Variants in COL22A1 observed in about 807,000 individuals in gnomAD.
COL22A1 encodes the protein collagen type XXII alpha 1 chain.
In COL22A1, 221 loss-of-function variants were observed where a neutral mutation model predicts 248.9. The ratio of observed to expected loss-of-function variants is 0.89; its 90% CI spans 0.80 to 0.99. The LOEUF (loss-of-function observed/expected upper bound fraction) is 0.99. Ranked by LOEUF, COL22A1 falls within the 50% of genes least tolerant of loss-of-function variation. COL22A1 has a pLI of 0.00. For synonymous variants in COL22A1, 891 were observed against 793.4 expected (o/e 1.12, Z -2.07); for missense variants, 2,240 against 2,179.0 (o/e 1.03, Z -0.56).
At chr8:138,906,691 C>T (rs1183601215) in intron 1 of COL22A1, among the ~76,000 whole-genome samples, 2 of 150,764 alleles carry the variant, frequency 1.3e-5, no homozygotes, top group East Asian at 3.9e-4. Flanking sequence ...CTGGCTCTGT[C>T]ACCCAGGCTG....
In COL22A1 at chr8:138,596,943, G is replaced by T; in HGVS notation, c.4393C>A (p.Arg1465Ser). ...CCCAGCTCTTCTTGAATAAGCCGAC[G>T]CAGGGTTTCCATGGATGGAGACTCC... Reference protein sequence around the residue: ...RGESPSMETLRRLIQEELGKQ... With the variant: ...RGESPSMETLSRLIQEELGKQ... Residue 1465 changes from arginine (R) to serine (S), a missense_variant, in exon 62 of 65, where the codon CGT becomes AGT. Physicochemically the swap from Arg to Ser is moderately radical, Grantham distance 110. Coordinates refer to ENST00000303045, the MANE Select transcript of COL22A1 (RefSeq NM_152888.3). 2 of 1,613,994 alleles carry T rather than the reference G, an allele frequency of 1.2e-6. No individual in the cohort carries two copies. The highest frequency in any genetic ancestry group is 1.7e-6 in the Non-Finnish European group (2 of 1,179,930).
intron 12 of COL22A1, among the ~76,000 whole-genome samples, chr8:138,785,408 G>A (rs951785872): frequency 6.6e-6 from 1 of 152,148 alleles, no homozygotes; most frequent in Non-Finnish European, 1.5e-5. Context: ...ACAACCCTAG[G>A]AATCAATGAT....
At chr8:138,799,628 C>T (rs1350188682) in intron 11 of COL22A1, among the ~76,000 whole-genome samples, 1 of 152,164 alleles carries the variant, frequency 6.6e-6, no homozygotes, top group Non-Finnish European at 1.5e-5. Flanking sequence ...TAACAAGACT[C>T]GTTTTGAAAG....
At chr8:138,679,554 A>G in intron 40 of COL22A1, 63 bp downstream of exon 40, 2 of 1,399,520 alleles carry the variant, frequency 1.4e-6, no homozygotes, top group Non-Finnish European at 2.0e-6. Context: ...GTTGTTATAA[A>G]GCTGCCTCTG....
intron 5 of COL22A1, among the ~76,000 whole-genome samples, chr8:138,829,130 A>G (rs1238735235): frequency 2.6e-5 from 4 of 152,204 alleles, no homozygotes; most frequent in South Asian, 4.1e-4. Flanking sequence ...CTCAGTTTAC[A>G]TCTCCAGGCT....
chr8:138,694,613 G>A (rs959179463), intron 33 of COL22A1, 52 bp from the exon 34 acceptor site: 3 of 1,579,634 alleles, frequency 1.9e-6, no homozygotes, highest in Non-Finnish European at 2.6e-6. Context: ...GTTCTGAGCA[G>A]ATGGGCGGAT....
At chr8:138,685,743 T>C (rs1300523820) in intron 37 of COL22A1, among the ~76,000 whole-genome samples, 3 of 152,150 alleles carry the variant, frequency 2.0e-5, no homozygotes, top group Non-Finnish European at 4.4e-5. Flanking sequence ...TTCACAGCCC[T>C]GAGAAGGAGC....
chr8:138,693,517 G>A, intron 35 of COL22A1, 129 bp downstream of exon 35: 2 of 904,200 alleles, frequency 2.2e-6, no homozygotes, highest in Non-Finnish European at 3.5e-6. Flanking sequence ...AACCACTCAA[G>A]TGTGGGTGAA....
chr8:138,694,804 GA>G, intron 33 of COL22A1, 21 bp downstream of exon 33: 2 of 1,613,170 alleles, frequency 1.2e-6, no homozygotes, highest in South Asian at 2.2e-5. Context: ...CCCTGCGGGG[GA>G]AGGGGACACA....
intron 1 of COL22A1, among the ~76,000 whole-genome samples, chr8:138,906,563 G>C (rs74390643): frequency 7.2e-6 from 1 of 138,250 alleles, no homozygotes; most frequent in African/African-American, 2.9e-5. Flanking sequence ...ATTTAACTTA[G>C]TAAGAGGGAG....
chr8:138,774,545 A>C (rs547184483), intron 16 of COL22A1, among the ~76,000 whole-genome samples: 1 of 151,564 alleles, frequency 6.6e-6, no homozygotes, highest in South Asian at 2.1e-4. Context: ...CAGCCTCCCG[A>C]GTAGCTGGGA....
At chr8:138,708,242 C>T (rs1036425904) in intron 30 of COL22A1, among the ~76,000 whole-genome samples, 2 of 152,226 alleles carry the variant, frequency 1.3e-5, no homozygotes, top group Non-Finnish European at 2.9e-5. Flanking sequence ...ATGCCATCCC[C>T]ATCAAGCTAC....
At chr8:138,675,608 G>A (rs1825445384) in intron 41 of COL22A1, among the ~76,000 whole-genome samples, 1 of 152,162 alleles carries the variant, frequency 6.6e-6, no homozygotes, top group South Asian at 2.1e-4. Flanking sequence ...ACAATAGCAA[G>A]ACAGGGCTTT....
chr8:138,589,195 T>G lies in COL22A1; in HGVS notation c.*58A>C. 6.5e-7 allele frequency: 1 copy of G among 1,545,194 alleles called. No individual in the cohort carries two copies. Among genetic ancestry groups the G allele is most frequent in the Non-Finnish European group, 8.9e-7 (1 of 1,127,332 alleles). Reference sequence around the variant, plus strand: ...TCTTTCAAGACCTCTGGCTTCCCACTGGGCTCTGAGTTCAAGTTTCAGAAA... The same window carrying G: ...TCTTTCAAGACCTCTGGCTTCCCACGGGGCTCTGAGTTCAAGTTTCAGAAA... On this transcript the variant is annotated 3_prime_UTR_variant, in exon 65 of 65. Transcript: ENST00000303045.
chr8:138,676,944 T>G (rs1165016615), intron 40 of COL22A1, among the ~76,000 whole-genome samples: 1 of 152,232 alleles, frequency 6.6e-6, no homozygotes, highest in Admixed American at 6.5e-5. Flanking sequence ...AAATCTACCA[T>G]GCTTTCTTCA....
At chr8:138,632,837 G>A (rs981478292) in intron 49 of COL22A1, among the ~76,000 whole-genome samples, 2 of 152,170 alleles carry the variant, frequency 1.3e-5, no homozygotes, top group Non-Finnish European at 2.9e-5. Flanking sequence ...AATTAAATAT[G>A]TAGTCCAAAG....
chr8:138,639,722 C>T (rs1211324888), intron 47 of COL22A1, among the ~76,000 whole-genome samples: 1 of 151,940 alleles, frequency 6.6e-6, no homozygotes, highest in Non-Finnish European at 1.5e-5. Context: ...GCTTTGTGAC[C>T]CAGGAACTCA....
At chr8:138,913,197 C>T (rs925411903) in intron 1 of COL22A1, among the ~76,000 whole-genome samples, 5 of 151,960 alleles carry the variant, frequency 3.3e-5, no homozygotes, top group African/African-American at 1.2e-4. Flanking sequence ...CCATTTCCCC[C>T]GCATCTTTTT....
At chr8:138,737,642 A>T (rs1005288561) in intron 22 of COL22A1, 65 bp from the exon 23 acceptor site, 17 of 1,088,150 alleles carry the variant, frequency 1.6e-5, no homozygotes, top group Middle Eastern at 2.2e-4. Context: ...GGGTTTAATA[A>T]TGAGTCTCGG....
Sources: allele counts gnomAD v4.1 joint callset (sites outside exome capture counted in the v4.1 genomes callset), GRCh38; gene constraint gnomAD v4.1.1; transcripts MANE v1.5; gene names NCBI Gene and HGNC (gene_info 2026-07-23, HGNC 2026-07-21).